COG5: variants seen among roughly 807,000 people sequenced by gnomAD.
COG5 encodes the protein conserved oligomeric Golgi complex subunit 5.
COG5 carries 86 observed loss-of-function variants against 110.4 expected under a neutral mutation model. That is an observed-to-expected ratio of 0.78 (90% CI 0.65 to 0.93). The LOEUF is 0.93. Among genes scored for constraint, COG5 ranks in the 40% least tolerant of loss-of-function variants. The pLI is 0.00. For missense variants in COG5, 1,077 were observed against 987.0 expected, an observed-to-expected ratio of 1.09 and a Z score of -1.22; for synonymous variants, 360 against 334.6, an observed-to-expected ratio of 1.08 and a Z score of -0.83.
intron 6 of COG5, among the ~76,000 whole-genome samples, chr7:107,427,121 A>C (rs913420807): frequency 1.3e-5 from 2 of 152,182 alleles, no homozygotes; most frequent in Admixed American, 6.5e-5. Flanking sequence ...TTGTTCATCT[A>C]TATGATCATA....
chr7:107,258,926 C>T (rs748112860), intron 14 of COG5, among the ~76,000 whole-genome samples: 1 of 151,856 alleles, frequency 6.6e-6, no homozygotes, highest in Non-Finnish European at 1.5e-5. Context: ...CATCCTAATA[C>T]ACTAATGAAA....
chr7:107,270,287 C>T (rs1021674759), intron 14 of COG5, among the ~76,000 whole-genome samples: 4 of 145,278 alleles, frequency 2.8e-5, no homozygotes, highest in African/African-American at 7.9e-5. Flanking sequence ...TGAGACAGGA[C>T]ATCCTTCTAT....
chr7:107,518,510 C>T (rs1277793466), intron 6 of COG5, among the ~76,000 whole-genome samples: 1 of 152,088 alleles, frequency 6.6e-6, no homozygotes, highest in Non-Finnish European at 1.5e-5. Flanking sequence ...GGTTACAATC[C>T]TAGTCTCTAA....
intron 8 of COG5, among the ~76,000 whole-genome samples, chr7:107,372,130 T>C (rs1046668131): frequency 3.9e-5 from 6 of 152,188 alleles, no homozygotes; most frequent in Admixed American, 6.5e-5. Flanking sequence ...ACAGTTGTAA[T>C]GTTGCCAAGG....
rs541404326 is a variant in COG5 at position 107,385,479 on chromosome 7, G to A, written c.670-12719C>T. On this transcript the variant is annotated intron_variant, in intron 7 of 21. Coordinates refer to ENST00000297135, the MANE Select transcript of COG5 (RefSeq NM_006348.5). ...CCAAGTGTCCATTGATGGATGAATG[G>A]ATAAACAAAATATAGCATATATACA... Among the ~76,000 whole-genome samples, 5 of 152,128 alleles carry A rather than the reference G, an allele frequency of 3.3e-5. No homozygotes were observed. In the South Asian group the frequency reaches 1.0e-3, roughly 31 times the overall value.
chr7:107,241,512 G>A (rs1801629700), intron 17 of COG5, among the ~76,000 whole-genome samples: 1 of 150,764 alleles, frequency 6.6e-6, no homozygotes, highest in Non-Finnish European at 1.5e-5. Context: ...GAGTGCAGTG[G>A]CGCGATCTGG....
chr7:107,319,731 A>T (rs1459820639), intron 11 of COG5, among the ~76,000 whole-genome samples: 1 of 152,182 alleles, frequency 6.6e-6, no homozygotes, highest in Non-Finnish European at 1.5e-5. Context: ...GTGATTTAGG[A>T]TCCAACACAA....
intron 11 of COG5, among the ~76,000 whole-genome samples, chr7:107,304,185 C>T (rs1807513190): frequency 6.6e-6 from 1 of 152,140 alleles, no homozygotes; most frequent in African/African-American, 2.4e-5. Flanking sequence ...CCCACAGTTT[C>T]CAAAATGTGT....
intron 11 of COG5, among the ~76,000 whole-genome samples, chr7:107,307,030 A>G (rs1173468551): frequency 6.6e-6 from 1 of 152,172 alleles, no homozygotes; most frequent in African/African-American, 2.4e-5. Context: ...ATGATATAAA[A>G]AAGTACAAAC....
intron 10 of COG5, among the ~76,000 whole-genome samples, chr7:107,345,723 G>A (rs1244502410): frequency 6.6e-6 from 1 of 152,054 alleles, no homozygotes; most frequent in Non-Finnish European, 1.5e-5. Context: ...TTTAAGTAAT[G>A]TAATTCTTAA....
At chr7:107,257,108 A>G (rs1562936591) in intron 15 of COG5, among the ~76,000 whole-genome samples, 1 of 152,142 alleles carries the variant, frequency 6.6e-6, no homozygotes, top group Non-Finnish European at 1.5e-5. Context: ...AGCCATATTT[A>G]CTCATTTCTT....
chr7:107,242,971 T>C (rs1165714247), intron 17 of COG5, among the ~76,000 whole-genome samples: 2 of 151,976 alleles, frequency 1.3e-5, no homozygotes, highest in African/African-American at 4.8e-5. Flanking sequence ...TCATATGTAA[T>C]GACACTCACA....
At chr7:107,411,330 C>T (rs4727675) in intron 7 of COG5, among the ~76,000 whole-genome samples, 91,673 of 151,896 alleles carry the variant, frequency 0.6, 29,446 homozygotes, top group African/African-American at 0.84. Flanking sequence ...TCTTCTCTTA[C>T]TTAATGTAGA....
chr7:107,316,688 C>T (rs1808787415), intron 11 of COG5, among the ~76,000 whole-genome samples: 1 of 146,840 alleles, frequency 6.8e-6, no homozygotes, highest in African/African-American at 2.5e-5. Context: ...AAAAATTAGC[C>T]AGGCGTGGTG....
intron 10 of COG5, among the ~76,000 whole-genome samples, chr7:107,336,089 A>G (rs1341404213): frequency 2.0e-5 from 3 of 152,232 alleles, no homozygotes. Flanking sequence ...AAATATATCA[A>G]AAAGATATCT....
chr7:107,475,562 A>G, intron 6 of COG5: 1 of 461,600 alleles, frequency 2.2e-6, no homozygotes, highest in Non-Finnish European at 3.9e-6. Flanking sequence ...GCAGTTTGTT[A>G]AAGTACTATC....
chr7:107,322,280 G>A (rs1041663209), intron 11 of COG5, among the ~76,000 whole-genome samples: 1 of 152,160 alleles, frequency 6.6e-6, no homozygotes, highest in African/African-American at 2.4e-5. Context: ...GGCTCAGATA[G>A]CTTCCCTATC....
At chr7:107,242,362 G>A (rs956581044) in intron 17 of COG5, among the ~76,000 whole-genome samples, 3 of 152,166 alleles carry the variant, frequency 2.0e-5, no homozygotes, top group Admixed American at 6.5e-5. Flanking sequence ...TGGAAAATCC[G>A]AGTCTACTAG....
chr7:107,471,045 T>C (rs1796604102), intron 6 of COG5, among the ~76,000 whole-genome samples: 1 of 152,058 alleles, frequency 6.6e-6, no homozygotes, highest in Non-Finnish European at 1.5e-5. Context: ...ATGTTTAGTG[T>C]ATGCTAATTG....
Sources: gnomAD v4.1 joint callset for allele counts (sites outside exome capture counted in the v4.1 genomes callset) on GRCh38, gnomAD v4.1.1 for gene constraint, MANE v1.5 for transcripts, NCBI Gene and HGNC (gene_info 2026-07-23, HGNC 2026-07-21) for gene names.